NTM: variants seen among roughly 807,000 people sequenced by gnomAD.
NTM encodes the protein IgLON family member 2.
NTM carries 13 observed loss-of-function variants against 42.1 expected under a neutral mutation model. That is an observed-to-expected ratio of 0.31 (90% CI 0.20 to 0.49). NTM has a LOEUF of 0.49. Among genes scored for constraint, NTM ranks in the 20% least tolerant of loss-of-function variants. The pLI is 0.99. For missense variants in NTM, 373 were observed against 452.8 expected (o/e 0.82, Z 1.60); for synonymous variants, 187 against 179.2 (o/e 1.04, Z -0.35).
At chr11:131,525,097 GC>G (rs1253019111) in intron 1 of NTM, among the ~76,000 whole-genome samples, 1 of 152,130 alleles carries the variant, frequency 6.6e-6, no homozygotes, top group Non-Finnish European at 1.5e-5. Context: ...GGCGGGTATT[GC>G]CAGACCTCTA....
chr11:132,130,852 A>G (rs941956008), intron 2 of NTM, among the ~76,000 whole-genome samples: 8 of 152,170 alleles, frequency 5.3e-5, no homozygotes, highest in Non-Finnish European at 1.2e-4. Context: ...GGCCGCATAG[A>G]CATTACCATT....
At chr11:131,537,947 T>G (rs2052540706) in intron 1 of NTM, 1 of 152,268 alleles carries the variant, frequency 6.6e-6, no homozygotes, top group South Asian at 2.1e-4. Flanking sequence ...GTCCTGTGAG[T>G]GGTCCAGCCA....
intron 2 of NTM, among the ~76,000 whole-genome samples, chr11:132,057,001 A>G (rs1176074265): frequency 6.6e-6 from 1 of 152,212 alleles, no homozygotes; most frequent in Non-Finnish European, 1.5e-5. Context: ...TTGTTTGAAT[A>G]CTTCACTGCA....
Position 131,966,721 on chromosome 11 carries a change from A to C in NTM, c.167+55073A>C, listed in dbSNP as rs191737212. On this transcript the variant is annotated intron_variant, in intron 2 of 8. Coordinates refer to ENST00000683400, the MANE Select transcript of NTM (RefSeq NM_001352005.2). Reference sequence around the variant, plus strand: ...AGGTGACAGCAGTCTCGATCAGGTCAGGTCTCAGGGACCCTCTCACCATGA... The same window carrying C: ...AGGTGACAGCAGTCTCGATCAGGTCCGGTCTCAGGGACCCTCTCACCATGA... Among the ~76,000 whole-genome samples, 3 of 152,290 alleles carry C rather than the reference A, an allele frequency of 2.0e-5. No individual in the cohort carries two copies. The East Asian group carries it at 5.8e-4, about 29-fold the overall frequency.
chr11:131,863,747 C>T (rs111608533), intron 1 of NTM, among the ~76,000 whole-genome samples: 3 of 152,208 alleles, frequency 2.0e-5, no homozygotes, highest in African/African-American at 7.2e-5. Context: ...GCCTTCTCTT[C>T]CCTAAAAATC....
At chr11:132,235,348 A>C (rs1566543203) in intron 4 of NTM, among the ~76,000 whole-genome samples, 1 of 151,868 alleles carries the variant, frequency 6.6e-6, no homozygotes, top group East Asian at 1.9e-4. Context: ...GTGTGTGTGC[A>C]TGTGTGTGAG....
chr11:131,480,799 G>A (rs1375700311), intron 1 of NTM, among the ~76,000 whole-genome samples: 1 of 151,718 alleles, frequency 6.6e-6, no homozygotes, highest in East Asian at 1.9e-4. Flanking sequence ...GGTGGTGGGG[G>A]TGGGGGAAAC....
intron 1 of NTM, among the ~76,000 whole-genome samples, chr11:131,531,508 C>A (rs1287140320): frequency 6.6e-6 from 1 of 152,116 alleles, no homozygotes; most frequent in East Asian, 1.9e-4. Context: ...TGAAGTGGAA[C>A]TTAAGGAGGG....
At chr11:132,033,395 T>C (rs2076156811) in intron 2 of NTM, among the ~76,000 whole-genome samples, 1 of 152,254 alleles carries the variant, frequency 6.6e-6, no homozygotes, top group Non-Finnish European at 1.5e-5. Flanking sequence ...GTGATAATGA[T>C]TTCCAGCAGC....
intron 4 of NTM, among the ~76,000 whole-genome samples, chr11:132,238,193 C>A (rs1411419118): frequency 6.6e-6 from 1 of 152,018 alleles, no homozygotes; most frequent in Non-Finnish European, 1.5e-5. Context: ...TGGGAGACAT[C>A]CTTTGAGAAG....
intron 1 of NTM, among the ~76,000 whole-genome samples, chr11:131,541,380 G>A (rs2053225185): frequency 6.6e-6 from 1 of 152,122 alleles, no homozygotes; most frequent in South Asian, 2.1e-4. Flanking sequence ...GCCCTTCTTG[G>A]TTGCAAAATG....
At chr11:132,232,959 C>T (rs1381501001) in intron 4 of NTM, among the ~76,000 whole-genome samples, 1 of 152,216 alleles carries the variant, frequency 6.6e-6, no homozygotes, top group Non-Finnish European at 1.5e-5. Flanking sequence ...CATTTATTTA[C>T]ACAGCACAAT....
intron 1 of NTM, among the ~76,000 whole-genome samples, chr11:131,512,955 G>A (rs528726074): frequency 2.9e-4 from 44 of 151,512 alleles, no homozygotes; most frequent in Admixed American, 2.8e-3. Flanking sequence ...TCAGTCCTAC[G>A]CTTGGCACCA....
intron 3 of NTM, among the ~76,000 whole-genome samples, chr11:132,209,968 T>C (rs3099761): frequency 0.49 from 74,355 of 151,976 alleles, 18,804 homozygotes; most frequent in African/African-American, 0.58. Context: ...CTTTATAAAC[T>C]CCCTTTTCAT....
intron 2 of NTM, among the ~76,000 whole-genome samples, chr11:132,043,588 G>C (rs1182394332): frequency 6.6e-6 from 1 of 152,214 alleles, no homozygotes; most frequent in African/African-American, 2.4e-5. Flanking sequence ...TTTGGGTTCA[G>C]TTATAGTTTC....
intron 4 of NTM, among the ~76,000 whole-genome samples, chr11:132,276,364 G>T (rs1043825738): frequency 3.3e-5 from 5 of 152,090 alleles, no homozygotes; most frequent in Admixed American, 2.6e-4. Flanking sequence ...TCAATAACGG[G>T]ATTCTTGGAT....
At chr11:131,658,956 A>C (rs374810994) in intron 1 of NTM, among the ~76,000 whole-genome samples, 1 of 152,298 alleles carries the variant, frequency 6.6e-6, no homozygotes, top group East Asian at 1.9e-4. Context: ...TGGGTGACAG[A>C]GCGAGACTCC....
chr11:131,409,965 G>A (rs1043433515), intron 1 of NTM, among the ~76,000 whole-genome samples: 1 of 152,160 alleles, frequency 6.6e-6, no homozygotes, highest in Admixed American at 6.5e-5. Flanking sequence ...CAAGGAAGAT[G>A]CAGGTAGAGG....
chr11:131,946,518 C>T (rs1246652364), intron 2 of NTM, among the ~76,000 whole-genome samples: 1 of 152,162 alleles, frequency 6.6e-6, no homozygotes, highest in Non-Finnish European at 1.5e-5. Context: ...GGAACTGTGC[C>T]TGTTGCTAAA....
Sources: allele counts gnomAD v4.1 joint callset (sites outside exome capture counted in the v4.1 genomes callset), GRCh38; gene constraint gnomAD v4.1.1; transcripts MANE v1.5; gene names NCBI Gene and HGNC (gene_info 2026-07-23, HGNC 2026-07-21).